Variants in VTI1A observed in about 807,000 individuals in gnomAD.
VTI1A encodes vesicle transport through interaction with t-SNAREs 1A.
VTI1A carries 22 observed loss-of-function variants against 34.9 expected under a neutral mutation model. The ratio of observed to expected loss-of-function variants is 0.63; its 90% confidence interval spans 0.45 to 0.90. The LOEUF (loss-of-function observed/expected upper bound fraction) is 0.90. Ranked by LOEUF, VTI1A falls within the 40% of genes least tolerant of loss-of-function variation. The pLI is 0.00. For synonymous variants in VTI1A, 87 were observed against 97.3 expected (o/e 0.89, Z 0.62); for missense variants, 268 against 275.6 (o/e 0.97, Z 0.20).
At chr10:112,514,185 T>A (rs1165231107) in intron 3 of VTI1A, among the ~76,000 whole-genome samples, 1 of 151,938 alleles carries the variant, frequency 6.6e-6, no homozygotes, top group African/African-American at 2.4e-5. Flanking sequence ...TTCAATCTTC[T>A]TACTTGTTAT....
chr10:112,697,865 CATGTGTGTGTGTGTGTGTGT>C (rs1848851237), intron 7 of VTI1A, among the ~76,000 whole-genome samples: 1 of 126,112 alleles, frequency 7.9e-6, no homozygotes, highest in African/African-American at 3.0e-5. Context: ...TTAGCATTTA[CATGTGTGTGTGTGTGTGTGT>C]GTGTGTGTGT....
chr10:112,815,188 CTGCAA>C, intron 7 of VTI1A, 97 bp from the exon 8 acceptor site: 1 of 665,854 alleles, frequency 1.5e-6, no homozygotes, highest in Non-Finnish European at 2.6e-6. Context: ...CCACCCCCAC[CTGCAA>C]AGCTGCCGTT....
chr10:112,711,479 G>A (rs929211877), intron 7 of VTI1A, among the ~76,000 whole-genome samples: 34 of 152,178 alleles, frequency 2.2e-4, no homozygotes, highest in African/African-American at 7.2e-4. Flanking sequence ...TAATCACCCC[G>A]GACATTTGTA....
intron 7 of VTI1A, among the ~76,000 whole-genome samples, chr10:112,724,248 A>G (rs1849923845): frequency 1.3e-5 from 2 of 152,190 alleles, no homozygotes. Context: ...ACATGCATTA[A>G]TAACATATAA....
At chr10:112,604,568 T>A (rs1845000558) in intron 5 of VTI1A, among the ~76,000 whole-genome samples, 1 of 152,206 alleles carries the variant, frequency 6.6e-6, no homozygotes, top group African/African-American at 2.4e-5. Flanking sequence ...TATACACTCA[T>A]AAACTGCTAA....
At chr10:112,768,244 A>G (rs753204222) in intron 7 of VTI1A, among the ~76,000 whole-genome samples, 1 of 152,260 alleles carries the variant, frequency 6.6e-6, no homozygotes, top group Non-Finnish European at 1.5e-5. Context: ...TTTGAGAGAC[A>G]CAAGGCTGAC....
At chr10:112,572,588 C>T (rs1852169583) in intron 5 of VTI1A, among the ~76,000 whole-genome samples, 1 of 152,174 alleles carries the variant, frequency 6.6e-6, no homozygotes, top group African/African-American at 2.4e-5. Context: ...CCTGTAATCC[C>T]AGCACTTTGG....
At chr10:112,572,122 G>A (rs1036264693) in intron 5 of VTI1A, among the ~76,000 whole-genome samples, 6 of 152,102 alleles carry the variant, frequency 3.9e-5, no homozygotes, top group Non-Finnish European at 8.8e-5. Context: ...ATTGACCCCC[G>A]ATTCTAAAAT....
At chr10:112,793,245 A>G (rs965765075) in intron 7 of VTI1A, among the ~76,000 whole-genome samples, 4 of 152,202 alleles carry the variant, frequency 2.6e-5, no homozygotes, top group Non-Finnish European at 4.4e-5. Flanking sequence ...AACCTCCCCA[A>G]TTAGTACAAG....
intron 7 of VTI1A, among the ~76,000 whole-genome samples, chr10:112,672,365 T>C (rs192235135): frequency 1.5e-4 from 23 of 152,326 alleles, no homozygotes; most frequent in African/African-American, 5.1e-4. Flanking sequence ...GAAAATTGGT[T>C]CATTCAAAAT....
intron 5 of VTI1A, among the ~76,000 whole-genome samples, chr10:112,631,348 A>G (rs1339156242): frequency 6.6e-6 from 1 of 152,116 alleles, no homozygotes; most frequent in Non-Finnish European, 1.5e-5. Context: ...TACTACCACC[A>G]CCTCTATCTA....
intron 1 of VTI1A, among the ~76,000 whole-genome samples, chr10:112,458,883 G>T (rs1354467220): frequency 3.3e-5 from 5 of 151,954 alleles, no homozygotes; most frequent in Non-Finnish European, 7.4e-5. Flanking sequence ...TGCCAGGGTG[G>T]TCTCAAACTT....
chr10:112,548,495 A>T (rs1851221189), intron 5 of VTI1A: 1 of 538,368 alleles, frequency 1.9e-6, no homozygotes, highest in African/African-American at 1.9e-5. Flanking sequence ...CATTGTTATG[A>T]TTCATTAACC....
At chr10:112,832,354 T>A in the VTI1A span, 2 of 150,852 alleles carry the variant, frequency 1.3e-5, no homozygotes, top group African/African-American at 5.0e-5. Flanking sequence ...GTTAGTGGGC[T>A]CTTAGTTAGG....
intron 3 of VTI1A, among the ~76,000 whole-genome samples, chr10:112,492,020 C>T (rs1257908710): frequency 2.0e-5 from 3 of 152,138 alleles, no homozygotes; most frequent in African/African-American, 7.2e-5. Flanking sequence ...GTAGCCAGGA[C>T]CCAGGGATTG....
chr10:112,675,245 A>G (rs1010550857), intron 7 of VTI1A, among the ~76,000 whole-genome samples: 14 of 152,186 alleles, frequency 9.2e-5, no homozygotes, highest in African/African-American at 3.1e-4. Flanking sequence ...TTCACTTTCT[A>G]TGATAACTCT....
chr10:112,638,134 CAG>C (rs757215028), intron 5 of VTI1A, among the ~76,000 whole-genome samples: 2 of 152,306 alleles, frequency 1.3e-5, no homozygotes, highest in East Asian at 1.9e-4. Flanking sequence ...TGGTTGTTGG[CAG>C]AGAGTTCTCA....
At chr10:112,579,807 A>G (rs571519298) in intron 5 of VTI1A, among the ~76,000 whole-genome samples, 124 of 152,322 alleles carry the variant, frequency 8.1e-4, no homozygotes, top group African/African-American at 2.8e-3. Context: ...GAATTTGCAG[A>G]TAACTCTGGG....
chr10:112,834,966 T>C, the VTI1A span, among the ~76,000 whole-genome samples: 2 of 152,186 alleles, frequency 1.3e-5, no homozygotes, highest in Non-Finnish European at 2.9e-5. Flanking sequence ...TGTACATGAC[T>C]GTTCTGTCCC....
Sources: allele counts gnomAD v4.1 joint callset (sites outside exome capture counted in the v4.1 genomes callset), GRCh38; gene constraint gnomAD v4.1.1; transcripts MANE v1.5; gene names NCBI Gene and HGNC (gene_info 2026-07-23, HGNC 2026-07-21).